The following PCLO variants were observed in gnomAD, a reference collection of about 807,000 sequenced individuals.
The protein encoded by PCLO is protein piccolo.
Under a neutral mutation model 427.5 loss-of-function variants are expected in PCLO, and 82 were observed. The observed-to-expected ratio is 0.19, with a 90% confidence interval of 0.16 to 0.23. PCLO has a LOEUF of 0.23. PCLO is among the 10% of genes least tolerant of loss of function. The pLI, the probability that PCLO is intolerant of heterozygous loss-of-function variation, is 1.00. For synonymous variants in PCLO, 2,357 were observed against 2,155.4 expected (o/e 1.09, Z -2.59); for missense variants, 6,239 against 6,115.9 (o/e 1.02, Z -0.67).
intron 4 of PCLO, among the ~76,000 whole-genome samples, chr7:82,959,757 T>A (rs966323936): frequency 6.6e-6 from 1 of 152,148 alleles, no homozygotes; most frequent in African/African-American, 2.4e-5. Flanking sequence ...CAGGATTTCA[T>A]CATTGTTTAC....
At position 82,827,924 on chromosome 7, in the gene PCLO, A is replaced by G; in HGVS notation, c.14292T>C (p.Leu4764=). ...TTACTGTTTGATTCCACTCAGGATT[A>G]AGACTTTTCTGGACATGTTTAGTCC... is the stretch of plus-strand genomic sequence containing the variant. ...KRRTKHVQKS[L]NPEWNQTVIY... The change falls in exon 17 of 25, where the codon CTT becomes CTC. Residue 4764 remains leucine, a synonymous_variant. Coordinates refer to ENST00000333891, the MANE Select transcript of PCLO (RefSeq NM_033026.6). 6.2e-7 allele frequency: 1 copy of G among 1,604,750 alleles called. No individual in the cohort carries two copies. The highest frequency in any genetic ancestry group is 1.1e-5 in the South Asian group (1 of 90,580).
chr7:82,977,023 AATT>A (rs1248849365), intron 3 of PCLO, among the ~76,000 whole-genome samples: 1 of 152,090 alleles, frequency 6.6e-6, no homozygotes, highest in Non-Finnish European at 1.5e-5. Context: ...CTTGGACTAA[AATT>A]ATTATTTGTA....
At chr7:83,119,106 C>A (rs1484022974) in intron 3 of PCLO, among the ~76,000 whole-genome samples, 1 of 152,170 alleles carries the variant, frequency 6.6e-6, no homozygotes, top group Non-Finnish European at 1.5e-5. Context: ...TTCTGGGAAC[C>A]TGCTGCCTAC....
intron 16 of PCLO, among the ~76,000 whole-genome samples, chr7:82,833,339 G>A (rs1176436490): frequency 6.6e-6 from 1 of 152,174 alleles, no homozygotes; most frequent in Non-Finnish European, 1.5e-5. Flanking sequence ...ACAGTGTGAT[G>A]AGAGAAAACC....
chr7:82,811,462 T>G (rs2115571758), intron 20 of PCLO, among the ~76,000 whole-genome samples: 1 of 151,628 alleles, frequency 6.6e-6, no homozygotes, highest in Admixed American at 6.6e-5. Flanking sequence ...TTTTGCAGTT[T>G]TATCTCATGT....
intron 9 of PCLO, among the ~76,000 whole-genome samples, chr7:82,880,858 T>G (rs1395112098): frequency 6.6e-6 from 1 of 152,188 alleles, no homozygotes; most frequent in African/African-American, 2.4e-5. Context: ...GTTGTAAAAC[T>G]AAAACAAGAA....
chr7:82,990,956 C>T (rs1420496049), intron 3 of PCLO, among the ~76,000 whole-genome samples: 1 of 152,072 alleles, frequency 6.6e-6, no homozygotes, highest in Non-Finnish European at 1.5e-5. Context: ...TTATTTCTTA[C>T]TTACTAATTT....
intron 20 of PCLO, among the ~76,000 whole-genome samples, chr7:82,813,136 C>T (rs1257626252): frequency 6.6e-6 from 1 of 151,690 alleles, no homozygotes; most frequent in Non-Finnish European, 1.5e-5. Context: ...AGGTTGAGCA[C>T]ATTTCCAGTT....
chr7:83,056,301 A>G (rs946557717), intron 3 of PCLO, among the ~76,000 whole-genome samples: 1 of 152,192 alleles, frequency 6.6e-6, no homozygotes, highest in African/African-American at 2.4e-5. Context: ...ACATGTTCTT[A>G]GGTTTACTCT....
intron 3 of PCLO, among the ~76,000 whole-genome samples, chr7:83,066,634 A>C (rs1789676780): frequency 6.6e-6 from 1 of 152,036 alleles, no homozygotes; most frequent in African/African-American, 2.4e-5. Flanking sequence ...ATTATGTTAG[A>C]CTTCTGGTGG....
At chr7:83,053,589 T>C (rs910179119) in intron 3 of PCLO, among the ~76,000 whole-genome samples, 3 of 151,764 alleles carry the variant, frequency 2.0e-5, no homozygotes, top group Admixed American at 1.3e-4. Flanking sequence ...TTTGGTAAGC[T>C]CCCTTAAACA....
At position 83,138,603 on chromosome 7, in the gene PCLO, T is replaced by C. The variant is rs146562119; in HGVS notation, c.1894-2947A>G. On this transcript the variant is annotated intron_variant, in intron 2 of 24. Coordinates refer to ENST00000333891, the MANE Select transcript of PCLO (RefSeq NM_033026.6). ...TTAAACCTGGGAGGTGGAGGTTGCA[T>C]TGAGCCGAGAAGCACTCCAGCCTGG... Among the ~76,000 whole-genome samples, 551 of 151,926 alleles carry C rather than the reference T, an allele frequency of 3.6e-3. 1 individual carries two copies. Among genetic ancestry groups the C allele is most frequent in the African/African-American group, 0.012 (513 of 41,450 alleles).
At chr7:82,854,593 T>C (rs1285539767) in intron 10 of PCLO, among the ~76,000 whole-genome samples, 2 of 152,158 alleles carry the variant, frequency 1.3e-5, no homozygotes, top group Non-Finnish European at 2.9e-5. Flanking sequence ...GTCACTGTAT[T>C]TTTATATTGA....
rs1159112293 is a variant in PCLO at position 82,915,966 on chromosome 7, T to C, written c.12020A>G (p.Asn4007Ser). 8.7e-6 allele frequency: 14 copies of C among 1,612,874 alleles called. No individual in the cohort carries two copies. Among genetic ancestry groups the C allele is most frequent in the South Asian group, 4.4e-5 (4 of 91,092 alleles). The part of the protein sequence containing the change: ...FAVSHLGSKY[N>S]SLDLRIGLEE... ...CAAACCTATTCTCAAGTCTAAACTA[T>C]TGTACTTACTACCAAGATGGGAAAC... The change falls in exon 7 of 25, where the codon AAT becomes AGT. Residue 4007 changes from asparagine to serine, a missense_variant. Asn to Ser is a conservative substitution (Grantham distance 46). Transcript: ENST00000333891.
chr7:82,838,854 T>C (rs1025348127), intron 14 of PCLO, among the ~76,000 whole-genome samples: 3 of 152,002 alleles, frequency 2.0e-5, no homozygotes, highest in Non-Finnish European at 4.4e-5. Context: ...TACTTTTTAA[T>C]GTTATATTAT....
At chr7:82,857,470 G>T (rs559519583) in intron 10 of PCLO, among the ~76,000 whole-genome samples, 1 of 152,102 alleles carries the variant, frequency 6.6e-6, no homozygotes, top group South Asian at 2.1e-4. Flanking sequence ...TCAGATGATA[G>T]ATTTTAACAT....
chr7:83,124,545 C>T (rs1215781320), intron 3 of PCLO, among the ~76,000 whole-genome samples: 1 of 151,800 alleles, frequency 6.6e-6, no homozygotes, highest in Admixed American at 6.6e-5. Context: ...AAAGGTGAGC[C>T]CTCACACATT....
At chr7:82,990,377 A>G (rs946839698) in intron 3 of PCLO, among the ~76,000 whole-genome samples, 1 of 152,174 alleles carries the variant, frequency 6.6e-6, no homozygotes, top group Non-Finnish European at 1.5e-5. Flanking sequence ...TATTTATCTT[A>G]TAGACACAAT....
chr7:82,901,205 T>C (rs1169443718), intron 9 of PCLO, among the ~76,000 whole-genome samples: 3 of 151,918 alleles, frequency 2.0e-5, no homozygotes, highest in Non-Finnish European at 2.9e-5. Context: ...ATGTCATCAA[T>C]GTCTTTTATG....
Sources: gnomAD v4.1 joint callset for allele counts (sites outside exome capture counted in the v4.1 genomes callset) on GRCh38, gnomAD v4.1.1 for gene constraint, MANE v1.5 for transcripts, NCBI Gene and HGNC (gene_info 2026-07-23, HGNC 2026-07-21) for gene names.